FRMD6: variants seen among roughly 807,000 people sequenced by gnomAD.
FRMD6 encodes the protein FERM domain containing 6, also known as FERM domain-containing protein 6.
Under a neutral mutation model 73.2 loss-of-function variants are expected in FRMD6, and 37 were observed. That is an observed-to-expected ratio of 0.51 (90% CI 0.39 to 0.66). FRMD6 has a LOEUF of 0.66. Ranked by LOEUF, FRMD6 falls within the 30% of genes least tolerant of loss-of-function variation. The pLI is 0.00. For missense variants in FRMD6, 714 were observed against 780.5 expected, an observed-to-expected ratio of 0.91 and a Z score of 1.02; for synonymous variants, 273 against 282.2, an observed-to-expected ratio of 0.97 and a Z score of 0.33.
intron 1 of FRMD6, among the ~76,000 whole-genome samples, chr14:51,683,205 T>A (rs1208580650): frequency 2.0e-5 from 3 of 152,216 alleles, no homozygotes; most frequent in Non-Finnish European, 4.4e-5. Context: ...GATCTCTGTA[T>A]GAGTGTATTT....
At chr14:51,452,965 C>T in the FRMD6 span, among the ~76,000 whole-genome samples, 1 of 152,074 alleles carries the variant, frequency 6.6e-6, no homozygotes, top group Non-Finnish European at 1.5e-5. Flanking sequence ...CAGGTTGCTT[C>T]CAGGGAGAAC....
intron 1 of FRMD6, among the ~76,000 whole-genome samples, chr14:51,669,753 G>C (rs1189468650): frequency 6.6e-6 from 1 of 151,974 alleles, no homozygotes; most frequent in Non-Finnish European, 1.5e-5. Context: ...ATCAGATATG[G>C]TTTCTATTTT....
chr14:51,468,068 C>G, the FRMD6 span, among the ~76,000 whole-genome samples: 1 of 152,112 alleles, frequency 6.6e-6, no homozygotes. Context: ...GCTGGCAGAT[C>G]ACTCGCGGTC....
chr14:51,396,542 A>G, the FRMD6 span, among the ~76,000 whole-genome samples: 9 of 152,332 alleles, frequency 5.9e-5, no homozygotes, highest in East Asian at 1.5e-3. Context: ...CACGGAACGC[A>G]GCTGCCTGAA....
chr14:51,597,348 A>G (rs902308786), intron 2 of FRMD6, among the ~76,000 whole-genome samples: 13 of 152,238 alleles, frequency 8.5e-5, no homozygotes, highest in African/African-American at 3.1e-4. Context: ...AGCTAAAGGC[A>G]ATTAGGAGTC....
At chr14:51,646,982 C>CT (rs1422636862), upstream of FRMD6, among the ~76,000 whole-genome samples, 2 of 151,926 alleles carry the variant, frequency 1.3e-5, no homozygotes, top group African/African-American at 4.8e-5. Flanking sequence ...TCAAACCTTT[C>CT]TTATTACATC....
chr14:51,408,942 A>T, the FRMD6 span, among the ~76,000 whole-genome samples: 1 of 152,226 alleles, frequency 6.6e-6, no homozygotes, highest in Non-Finnish European at 1.5e-5. Context: ...ACTTTAAAGT[A>T]AAAATTCACC....
chr14:51,695,069 C>T (rs1895855020), intron 2 of FRMD6, among the ~76,000 whole-genome samples: 2 of 150,992 alleles, frequency 1.3e-5, no homozygotes, highest in African/African-American at 2.5e-5. Context: ...ATTTGGTCTA[C>T]AGTCACACGA....
At chr14:51,583,158 T>C (rs2139672085) in intron 2 of FRMD6, among the ~76,000 whole-genome samples, 1 of 152,296 alleles carries the variant, frequency 6.6e-6, no homozygotes, top group African/African-American at 2.4e-5. Flanking sequence ...AACCAAGACA[T>C]TAAGGAGAAG....
rs1383692258 is a variant in FRMD6, at chr14:51,728,720, T to C, written c.*691T>C. 6.6e-6 allele frequency: 1 copy of C among 152,630 alleles called. No individual in the cohort carries two copies. Among genetic ancestry groups the C allele is most frequent in the Non-Finnish European group, 1.5e-5 (1 of 68,028 alleles). The allele number at this position is 152,630 out of a possible 1,614,324, so 9.5% of individuals were successfully genotyped here. On this transcript the variant is annotated 3_prime_UTR_variant, in exon 14 of 14. Coordinates refer to ENST00000344768, the MANE Select transcript of FRMD6 (RefSeq NM_001267046.2). ...TCTTCCAGAAAGCTCCAGGATTCAT[T>C]TGAGTTCCACATCCAAGTAACAGAT...
chr14:51,561,614 A>G (rs944049290), intron 1 of FRMD6, among the ~76,000 whole-genome samples: 2 of 152,124 alleles, frequency 1.3e-5, no homozygotes, highest in African/African-American at 4.8e-5. Context: ...TGTTTTGTTT[A>G]TTTATTTATT....
At chr14:51,617,218 C>T (rs980661704) in intron 2 of FRMD6, among the ~76,000 whole-genome samples, 5 of 152,134 alleles carry the variant, frequency 3.3e-5, no homozygotes, top group African/African-American at 9.7e-5. Flanking sequence ...TTTTACCTAC[C>T]TTTGGAATGT....
the FRMD6 span, among the ~76,000 whole-genome samples, chr14:51,413,509 A>G: frequency 2.6e-5 from 4 of 152,294 alleles, no homozygotes; most frequent in Admixed American, 2.6e-4. Flanking sequence ...TTATGGCTGC[A>G]TAGTATTCCA....
intron 2 of FRMD6, among the ~76,000 whole-genome samples, chr14:51,641,724 C>T (rs1230919502): frequency 2.6e-5 from 4 of 152,198 alleles, no homozygotes; most frequent in African/African-American, 9.7e-5. Context: ...CAAGTTCACC[C>T]TTTCGATCAG....
rs79388954 is a variant in FRMD6 at position 51,671,342 on chromosome 14, G to C, written c.-146-18349G>C. 1.9e-3 allele frequency among the ~76,000 whole-genome samples: 296 copies of C among 152,242 alleles called. 11 individuals carry two copies. The East Asian group carries it at 0.049, about 25-fold the overall frequency. On this transcript the variant is annotated intron_variant, in intron 1 of 13. Transcript: ENST00000344768. The stretch of plus-strand genomic sequence containing the variant: ...AATTTTTTATTTGAACATTGATAGA[G>C]TTTACCAGTGATGCCATCTGAGCCT...
intron 1 of FRMD6, among the ~76,000 whole-genome samples, chr14:51,514,584 G>A (rs185807405): frequency 8.1e-4 from 124 of 152,272 alleles, no homozygotes; most frequent in Middle Eastern, 3.4e-3. Flanking sequence ...GCCGTGGCTC[G>A]TGCCTATAAT....
chr14:51,490,574 G>A (rs1882933999), intron 1 of FRMD6, among the ~76,000 whole-genome samples: 1 of 151,968 alleles, frequency 6.6e-6, no homozygotes, highest in Non-Finnish European at 1.5e-5. Context: ...TGTATAGTGT[G>A]TGGGGCACAG....
intron 1 of FRMD6, among the ~76,000 whole-genome samples, chr14:51,561,415 T>C (rs1473036893): frequency 6.6e-6 from 1 of 152,202 alleles, no homozygotes; most frequent in Non-Finnish European, 1.5e-5. Flanking sequence ...TCCTTTGTAC[T>C]GCAGCCTGCT....
chr14:51,489,678 ACTCACAT>A (rs1171408171), intron 1 of FRMD6, among the ~76,000 whole-genome samples: 1 of 151,972 alleles, frequency 6.6e-6, no homozygotes, highest in South Asian at 2.1e-4. Flanking sequence ...CTAGGAAGAA[ACTCACAT>A]CTTCATGACT....
Sources: gnomAD v4.1 joint callset for allele counts (sites outside exome capture counted in the v4.1 genomes callset) on GRCh38, gnomAD v4.1.1 for gene constraint, MANE v1.5 for transcripts, NCBI Gene and HGNC (gene_info 2026-07-23, HGNC 2026-07-21) for gene names.